CASR: variants seen among roughly 807,000 people sequenced by gnomAD.
The protein encoded by CASR is calcium sensing receptor.
In CASR, 23 loss-of-function variants were observed where a neutral mutation model predicts 69.1. The ratio of observed to expected loss-of-function variants is 0.33; its 90% CI spans 0.24 to 0.47. The LOEUF (loss-of-function observed/expected upper bound fraction) is 0.47, where lower values mean the gene tolerates loss of function less well. Ranked by LOEUF, CASR falls within the 20% of genes least tolerant of loss-of-function variation. The pLI, the probability that CASR is intolerant of heterozygous loss-of-function variation, is 1.00. For synonymous variants in CASR, 541 were observed against 544.7 expected, an observed-to-expected ratio of 0.99 and a Z score of 0.10; for missense variants, 924 against 1,356.1, an observed-to-expected ratio of 0.68 and a Z score of 5.00.
chr3:122,229,755 G>A (rs1334378885), intron 1 of CASR, among the ~76,000 whole-genome samples: 3 of 151,636 alleles, frequency 2.0e-5, no homozygotes, highest in Admixed American at 6.6e-5. Context: ...TCAGCTACTC[G>A]GGAGGCTGAG....
intron 1 of CASR, among the ~76,000 whole-genome samples, chr3:122,231,678 G>A (rs1464298022): frequency 6.6e-6 from 1 of 151,422 alleles, no homozygotes; most frequent in Non-Finnish European, 1.5e-5. Context: ...GAAATTATGT[G>A]CATATGTGCA....
rs1409155780 is a variant in CASR, at chr3:122,290,728, A to C, written c.*5537A>C. 6.6e-6 allele frequency: 1 copy of C among 151,914 alleles called. No individual in the cohort carries two copies. Among genetic ancestry groups the C allele is most frequent in the Non-Finnish European group, 1.5e-5 (1 of 67,940 alleles). 9.4% of individuals were successfully genotyped at this position (151,914 alleles called of 1,614,324 possible). ...TCACCCCTCCTCCAAATTTTTCTTT[A>C]TTCTTTTTTTTTTATTATACTTTAA... On this transcript the variant is annotated 3_prime_UTR_variant, in exon 7 of 7. Transcript: ENST00000639785.
At chr3:122,207,781 G>A (rs957805994) in intron 1 of CASR, among the ~76,000 whole-genome samples, 3 of 152,086 alleles carry the variant, frequency 2.0e-5, no homozygotes, top group Non-Finnish European at 4.4e-5. Flanking sequence ...ACTGTTGTAA[G>A]TAGCAACTAC....
At chr3:122,203,793 C>T (rs2073980109) in intron 1 of CASR, among the ~76,000 whole-genome samples, 1 of 152,176 alleles carries the variant, frequency 6.6e-6, no homozygotes, top group Non-Finnish European at 1.5e-5. Context: ...TAAGATGTCA[C>T]TATGTGATAG....
At chr3:122,252,526 CGGGGA>C (rs1473856789) in intron 1 of CASR, among the ~76,000 whole-genome samples, 22 of 119,294 alleles carry the variant, frequency 1.8e-4, no homozygotes, top group Non-Finnish European at 2.5e-4. Context: ...AGAAAGAAGG[CGGGGA>C]GGGGAGGGGA....
intron 2 of CASR, 87 bp downstream of exon 2, chr3:122,254,461 C>A: frequency 1.5e-6 from 2 of 1,328,870 alleles, no homozygotes; most frequent in Non-Finnish European, 2.2e-6. Flanking sequence ...TTTTTTCAAA[C>A]TTTGTCCTAT....
At chr3:122,263,656 G>T (rs143265431) in intron 4 of CASR, among the ~76,000 whole-genome samples, 3 of 152,342 alleles carry the variant, frequency 2.0e-5, no homozygotes, top group African/African-American at 7.2e-5. Context: ...GACTGTCTAA[G>T]TTGGTCAAAT....
Position 122,290,296 on chromosome 3 carries a change from C to A in CASR, c.*5105C>A, listed in dbSNP as rs1002370660. On this transcript the variant is annotated 3_prime_UTR_variant, in exon 7 of 7. Transcript: ENST00000639785. Reference sequence around the variant, plus strand: ...AGTTTGGTGAAAATAGGTAAGAGATCAAAGCCCAAGAATAAACCCTGGGGT... The same window carrying A: ...AGTTTGGTGAAAATAGGTAAGAGATAAAAGCCCAAGAATAAACCCTGGGGT... The A allele has an allele frequency of 6.6e-6, 1 of 152,068 alleles. No individual in the cohort carries two copies. The highest frequency in any genetic ancestry group is 1.5e-5 in the Non-Finnish European group (1 of 68,004). 9.4% of individuals were successfully genotyped at this position (152,068 alleles called of 1,614,324 possible). A position where few individuals can be genotyped will look rare whatever the true frequency, so the allele number is the denominator to read the frequency against.
chr3:122,212,255 G>A (rs191691341), intron 1 of CASR, among the ~76,000 whole-genome samples: 1 of 152,292 alleles, frequency 6.6e-6, no homozygotes, highest in Admixed American at 6.5e-5. Flanking sequence ...CATGTCCTTT[G>A]CAGGGACATG....
chr3:122,188,087 G>C (rs1559931501), intron 1 of CASR, among the ~76,000 whole-genome samples: 1 of 146,198 alleles, frequency 6.8e-6, no homozygotes, highest in Non-Finnish European at 1.6e-5. Context: ...AGCTGCTGGA[G>C]GGTTTTACAT....
chr3:122,198,579 T>C (rs1216958438), intron 1 of CASR, among the ~76,000 whole-genome samples: 1 of 152,076 alleles, frequency 6.6e-6, no homozygotes, highest in East Asian at 1.9e-4. Context: ...GAGGGATTTT[T>C]TATTTTTTGT....
At position 122,284,166 on chromosome 3, in the gene CASR, A is replaced by G; in HGVS notation, c.2212A>G (p.Ile738Val). The change falls in exon 7 of 7, where the codon ATC becomes GTC. Residue 738 changes from isoleucine (I) to valine (V), a missense_variant. Transcript: ENST00000639785. ...CCTCTGCACCTTCATGCAGATTGTCATCTGTGTGATCTGGCTCTACACCGC... is the reference window on the plus strand; with the variant it reads ...CCTCTGCACCTTCATGCAGATTGTCGTCTGTGTGATCTGGCTCTACACCGC... ...VFLCTFMQIVICVIWLYTAPP... is the reference protein window; with the variant it reads ...VFLCTFMQIVVCVIWLYTAPP... The G allele has an allele frequency of 6.2e-7, 1 of 1,613,426 alleles. No individual in the cohort carries two copies. Among genetic ancestry groups the G allele is most frequent in the Non-Finnish European group, 8.5e-7 (1 of 1,179,536 alleles).
At position 122,252,415 on chromosome 3, in the gene CASR, AAG is replaced by A. The variant is rs1310566075; in HGVS notation, c.-242-1531_-242-1530del. On this transcript the variant is annotated intron_variant, in intron 1 of 6. Transcript: ENST00000639785. ...GGAAGGAAGGAAGGAAGGAAAAAGA[AAG>A]AAAGAAAGAAAGAAAGAAAGAAAGA... 1.1e-3 allele frequency among the ~76,000 whole-genome samples: 44 copies of A among 40,222 alleles called. 1 individual carries two copies. The East Asian group carries it at 0.012, about 11-fold the overall frequency. The allele number at this position is 40,222 out of a possible 152,430, so 26.4% of individuals were successfully genotyped here.
rs12635478 is a variant in CASR at position 122,289,706 on chromosome 3, C to A, written c.*4515C>A. 43,498 of 152,320 alleles carry A rather than the reference C, an allele frequency of 0.29. 7,500 individuals are homozygous for A. Among genetic ancestry groups the A allele is most frequent in the East Asian group, 0.55 (2,837 of 5,142 alleles). The allele number at this position is 152,320 out of a possible 1,614,324, so 9.4% of individuals were successfully genotyped here. Reference sequence around the variant, plus strand: ...TCTCCTCTGTTGGGAATAACCACCACATTCATCCCCTCCCCTGACCCCTGG... The same window carrying A: ...TCTCCTCTGTTGGGAATAACCACCAAATTCATCCCCTCCCCTGACCCCTGG... On this transcript the variant is annotated 3_prime_UTR_variant, in exon 7 of 7. Transcript: ENST00000639785.
In CASR at chr3:122,270,120, G is replaced by A. The variant is rs186136068; in HGVS notation, c.1378-5692G>A. ...GCTTCCCAAAGTGCTGGGATTACAG[G>A]CATGAACCACTGTCCATGGCCTGTG... On this transcript the variant is annotated intron_variant, in intron 4 of 6. Transcript: ENST00000639785. 2.1e-3 allele frequency among the ~76,000 whole-genome samples: 321 copies of A among 152,270 alleles called. 1 individual carries two copies. The highest frequency in any genetic ancestry group is 7.4e-3 in the African/African-American group (307 of 41,544).
At position 122,283,886 on chromosome 3, in the gene CASR, G is replaced by A. The variant is rs2074925467; in HGVS notation, c.1932G>A (p.Lys644=). The A allele has an allele frequency of 6.2e-7, 1 of 1,613,674 alleles. No homozygotes were observed. Among genetic ancestry groups the A allele is most frequent in the African/African-American group, 1.3e-5 (1 of 74,922 alleles). Reference sequence around the variant, plus strand: ...AGTTCCGCAACACACCCATTGTCAAGGCCACCAACCGAGAGCTCTCCTACC... The same window carrying A: ...AGTTCCGCAACACACCCATTGTCAAAGCCACCAACCGAGAGCTCTCCTACC... ...FIKFRNTPIV[K]ATNRELSYLL... Residue 644 remains lysine, a synonymous_variant, in exon 7 of 7, where the codon AAG becomes AAA. Transcript: ENST00000639785.
At chr3:122,208,486 G>A (rs951025942) in intron 1 of CASR, among the ~76,000 whole-genome samples, 1 of 152,148 alleles carries the variant, frequency 6.6e-6, no homozygotes, top group Non-Finnish European at 1.5e-5. Flanking sequence ...AAATGATAAA[G>A]AGAAGTGATG....
intron 2 of CASR, among the ~76,000 whole-genome samples, chr3:122,256,453 A>G (rs2074555091): frequency 6.6e-6 from 1 of 151,768 alleles, no homozygotes; most frequent in Admixed American, 6.6e-5. Context: ...AAATTATTCA[A>G]TGAATTACAA....
Position 122,283,837 on chromosome 3 carries a change from C to T in CASR, c.1883C>T (p.Ala628Val). ...LFAVLGIFLT[A>V]FVLGVFIKFR... is the part of the protein sequence containing the mutation. Reference sequence around the variant, plus strand: ...GCCGTGCTGGGCATTTTCCTGACAGCCTTTGTGCTGGGTGTGTTTATCAAG... The same window carrying T: ...GCCGTGCTGGGCATTTTCCTGACAGTCTTTGTGCTGGGTGTGTTTATCAAG... Residue 628 changes from alanine (A) to valine (V), a missense_variant, in exon 7 of 7, where the codon GCC becomes GTC. This residue lies in a region of CASR where 184 missense variants were observed against 278.8 expected (regional missense o/e 0.66). Coordinates refer to ENST00000639785, the MANE Select transcript of CASR (RefSeq NM_000388.4). 1 of 1,614,066 alleles carries T rather than the reference C, an allele frequency of 6.2e-7. No homozygotes were observed. Among genetic ancestry groups the T allele is most frequent in the South Asian group, 1.1e-5 (1 of 91,068 alleles).
Sources: gnomAD v4.1 joint callset for allele counts (sites outside exome capture counted in the v4.1 genomes callset) on GRCh38, gnomAD v4.1.1 for gene constraint, gnomAD v4.1.1 regional missense constraint, MANE v1.5 for transcripts, NCBI Gene and HGNC (gene_info 2026-07-23, HGNC 2026-07-21) for gene names.